The following CCN4 variants were observed in gnomAD, a reference collection of about 807,000 sequenced individuals.
CCN4 encodes the protein cellular communication network factor 4.
CCN4 carries 30 observed loss-of-function variants against 36.7 expected under a neutral mutation model. That is an observed-to-expected ratio of 0.82 (90% CI 0.61 to 1.11). The LOEUF is 1.11. CCN4 is among the 50% of genes least tolerant of loss of function. The pLI is 0.00. For missense variants in CCN4, 505 were observed against 504.9 expected (o/e 1.00, Z 0.00); for synonymous variants, 191 against 195.4 (o/e 0.98, Z 0.19).
chr8:133,209,845 C>T (rs956409644), intron 1 of CCN4, among the ~76,000 whole-genome samples: 13 of 152,176 alleles, frequency 8.5e-5, no homozygotes, highest in Non-Finnish European at 4.4e-5. Context: ...TCCACAATGC[C>T]CCTTCACCCT....
intron 2 of CCN4, among the ~76,000 whole-genome samples, chr8:133,215,395 T>C (rs1258786916): frequency 1.3e-5 from 2 of 152,200 alleles, no homozygotes; most frequent in African/African-American, 4.8e-5. Flanking sequence ...TTATATGAGC[T>C]TGTCTCATAA....
intron 1 of CCN4, among the ~76,000 whole-genome samples, chr8:133,209,962 C>T (rs922120102): frequency 1.3e-5 from 2 of 152,296 alleles, no homozygotes; most frequent in South Asian, 2.1e-4. Flanking sequence ...ACGGAAAGAA[C>T]GTACGTCGGA....
rs1853100036 is a variant in CCN4, at chr8:133,191,278, T to TG, written c.69+70dup. 4.0e-6 allele frequency: 6 copies of TG among 1,514,856 alleles called. No homozygotes were observed. In the South Asian group the frequency reaches 7.1e-5, roughly 18 times the overall value. 93.8% of individuals were successfully genotyped at this position (1,514,856 alleles called of 1,614,324 possible). Reference sequence around the variant, plus strand: ...CCCTTCTCTACTGGGTCCTGCTACATGGGGGCTGGTGGGCAGGATGAAAAG... The same window carrying TG: ...CCCTTCTCTACTGGGTCCTGCTACATGGGGGGCTGGTGGGCAGGATGAAAAG... On this transcript the variant is annotated intron_variant, in intron 1 of 4. Transcript: ENST00000250160.
At chr8:133,216,137 G>A (rs1854313533) in intron 2 of CCN4, among the ~76,000 whole-genome samples, 1 of 152,140 alleles carries the variant, frequency 6.6e-6, no homozygotes, top group Non-Finnish European at 1.5e-5. Flanking sequence ...AGACCCTAAT[G>A]CAGGAAAGAA....
chr8:133,210,040 T>C (rs1853944948), intron 1 of CCN4, among the ~76,000 whole-genome samples: 1 of 152,326 alleles, frequency 6.6e-6, no homozygotes, highest in South Asian at 2.1e-4. Context: ...TTCCAGTACA[T>C]GATGCCTTAA....
chr8:133,221,943 T>C (rs188619496), intron 3 of CCN4, among the ~76,000 whole-genome samples: 52 of 151,264 alleles, frequency 3.4e-4, no homozygotes, highest in Admixed American at 2.6e-3. Flanking sequence ...GATGGATGGA[T>C]AGATGTATAA....
intron 2 of CCN4, among the ~76,000 whole-genome samples, chr8:133,214,911 A>T (rs1450640003): frequency 6.6e-6 from 1 of 152,212 alleles, no homozygotes; most frequent in Non-Finnish European, 1.5e-5. Flanking sequence ...CATGAGGGTT[A>T]TGTACATCAT....
chr8:133,213,560 C>A (rs1455124163), intron 2 of CCN4, among the ~76,000 whole-genome samples: 1 of 151,766 alleles, frequency 6.6e-6, no homozygotes, highest in Non-Finnish European at 1.5e-5. Flanking sequence ...TTTAAAAATC[C>A]AGTAGCCTTG....
chr8:133,195,800 G>A (rs990290257), intron 1 of CCN4, among the ~76,000 whole-genome samples: 6 of 152,182 alleles, frequency 3.9e-5, no homozygotes, highest in Non-Finnish European at 4.4e-5. Flanking sequence ...AAAAGGCTCC[G>A]GCCCTGTGCC....
intron 3 of CCN4, among the ~76,000 whole-genome samples, chr8:133,224,537 G>A (rs1478602890): frequency 2.0e-5 from 3 of 151,884 alleles, no homozygotes; most frequent in Admixed American, 1.3e-4. Context: ...CTATGCCCTC[G>A]GCATCACTGC....
chr8:133,220,936 A>C, intron 3 of CCN4, 95 bp downstream of exon 3: 2 of 1,455,036 alleles, frequency 1.4e-6, no homozygotes, highest in Non-Finnish European at 1.8e-6. Flanking sequence ...CTCATTCCCC[A>C]GTCCACTACC....
intron 2 of CCN4, among the ~76,000 whole-genome samples, chr8:133,218,124 G>A (rs1854394137): frequency 6.6e-6 from 1 of 152,154 alleles, no homozygotes; most frequent in Non-Finnish European, 1.5e-5. Flanking sequence ...TCCTGGGTTT[G>A]AGTCCCAGCT....
At position 133,208,309 on chromosome 8, in the gene CCN4, C is replaced by A. The variant is rs116210240; in HGVS notation, c.70-4555C>A. Among the ~76,000 whole-genome samples, 214 of 152,238 alleles carry A rather than the reference C, an allele frequency of 1.4e-3. 1 individual carries two copies. The highest frequency in any genetic ancestry group is 4.9e-3 in the African/African-American group (204 of 41,536). On this transcript the variant is annotated intron_variant, in intron 1 of 4. Transcript: ENST00000250160. The stretch of plus-strand genomic sequence containing the variant: ...TATGATGCTCACTTCCAGTCACTTG[C>A]GAGCTAAGCGATGGTAGCAATGCCG...
intron 1 of CCN4, among the ~76,000 whole-genome samples, chr8:133,201,796 T>A (rs1293966109): frequency 6.6e-6 from 1 of 151,744 alleles, no homozygotes; most frequent in African/African-American, 2.4e-5. Flanking sequence ...TGAGCCGAGA[T>A]CACGCCACTG....
intron 1 of CCN4, among the ~76,000 whole-genome samples, chr8:133,200,143 G>T (rs72731516): frequency 6.6e-6 from 1 of 152,026 alleles, no homozygotes; most frequent in African/African-American, 2.4e-5. Context: ...CGCTCTGGGC[G>T]GTGGAGGGAG....
intron 2 of CCN4, among the ~76,000 whole-genome samples, chr8:133,213,566 C>G (rs73711813): frequency 0.017 from 2,644 of 151,772 alleles, 78 homozygotes; most frequent in African/African-American, 0.06. Context: ...AATCCAGTAG[C>G]CTTGAAAGAA....
chr8:133,215,513 G>C (rs1446020866), intron 2 of CCN4, among the ~76,000 whole-genome samples: 1 of 152,010 alleles, frequency 6.6e-6, no homozygotes, highest in East Asian at 1.9e-4. Context: ...CATCTGCCAG[G>C]CACCACTCAT....
chr8:133,212,915 G>T lies in CCN4; in HGVS notation c.121G>T (p.Asp41Tyr). 1 of 1,612,290 alleles carries T rather than the reference G, an allele frequency of 6.2e-7. No individual in the cohort carries two copies. The highest frequency in any genetic ancestry group is 8.5e-7 in the Non-Finnish European group (1 of 1,178,956). The change falls in exon 2 of 5, where the codon GAC becomes TAC. Residue 41 changes from aspartate (D) to tyrosine (Y), a missense_variant. Coordinates refer to ENST00000250160, the MANE Select transcript of CCN4 (RefSeq NM_003882.4). ...GGACTTTACCCCAGCTCCACTGGAG[G>T]ACACCTCCTCACGCCCCCAATTCTG... is the stretch of plus-strand genomic sequence containing the variant. ...TMDFTPAPLE[D>Y]TSSRPQFCKW...
chr8:133,206,411 C>T (rs886180075), intron 1 of CCN4, among the ~76,000 whole-genome samples: 1 of 152,240 alleles, frequency 6.6e-6, no homozygotes, highest in African/African-American at 2.4e-5. Context: ...TGAGAGCCCA[C>T]ATAGGATGCA....
Sources: allele counts gnomAD v4.1 joint callset (sites outside exome capture counted in the v4.1 genomes callset), GRCh38; gene constraint gnomAD v4.1.1; transcripts MANE v1.5; gene names NCBI Gene and HGNC (gene_info 2026-07-23, HGNC 2026-07-21).